ADAM10: variants seen among roughly 807,000 people sequenced by gnomAD.
ADAM10 encodes the protein ADAM metallopeptidase domain 10.
Under a neutral mutation model 90.1 loss-of-function variants are expected in ADAM10, and 17 were observed. The ratio of observed to expected loss-of-function variants is 0.19; its 90% CI spans 0.13 to 0.28. The LOEUF is 0.28. Among genes scored for constraint, ADAM10 ranks in the 10% least tolerant of loss-of-function variants. The pLI is 1.00. For synonymous variants in ADAM10, 310 were observed against 298.6 expected (o/e 1.04, Z -0.40); for missense variants, 610 against 914.3 (o/e 0.67, Z 4.29).
At chr15:58,625,514 G>C (rs1312589535) in intron 10 of ADAM10, among the ~76,000 whole-genome samples, 1 of 152,220 alleles carries the variant, frequency 6.6e-6, no homozygotes, top group African/African-American at 2.4e-5. Flanking sequence ...CCAAATGGTT[G>C]TGAACATGCA....
intron 2 of ADAM10, among the ~76,000 whole-genome samples, chr15:58,713,070 C>T (rs1451795571): frequency 6.6e-6 from 1 of 152,116 alleles, no homozygotes; most frequent in Non-Finnish European, 1.5e-5. Context: ...AAATCTGTTT[C>T]CTAGTATCTA....
intron 9 of ADAM10, among the ~76,000 whole-genome samples, chr15:58,632,146 AAGAC>A (rs1360469166): frequency 9.2e-5 from 14 of 152,222 alleles, no homozygotes; most frequent in African/African-American, 3.4e-4. Context: ...CAAAATCACA[AAGAC>A]AGAGTATCAT....
intron 14 of ADAM10, among the ~76,000 whole-genome samples, chr15:58,607,845 G>A (rs1015259911): frequency 6.6e-6 from 1 of 152,122 alleles, no homozygotes; most frequent in African/African-American, 2.4e-5. Flanking sequence ...AACCTAACAT[G>A]AAAGATACAG....
intron 5 of ADAM10, among the ~76,000 whole-genome samples, chr15:58,647,248 ATTTTTTTTTTTTTTTTT>A (rs67378373): frequency 1.7e-5 from 1 of 59,602 alleles, no homozygotes; most frequent in African/African-American, 5.4e-5. Flanking sequence ...GACACTAAGT[ATTTTTTTTTTTTTTTTT>A]TTTTTTTTTT....
intron 2 of ADAM10, among the ~76,000 whole-genome samples, chr15:58,712,817 C>T (rs571173862): frequency 3.3e-5 from 5 of 152,114 alleles, no homozygotes; most frequent in African/African-American, 9.6e-5. Context: ...CACAGCGAGA[C>T]TCCGCCTCAA....
chr15:58,693,269 G>A (rs1271918299), intron 2 of ADAM10: 2 of 546,118 alleles, frequency 3.7e-6, no homozygotes, highest in African/African-American at 3.8e-5. Flanking sequence ...ACGGCACCAA[G>A]GCTGCACAGG....
intron 5 of ADAM10, among the ~76,000 whole-genome samples, chr15:58,660,920 G>C (rs764767257): frequency 6.6e-6 from 1 of 152,210 alleles, no homozygotes; most frequent in East Asian, 1.9e-4. Flanking sequence ...TCAATGAATA[G>C]GTGTGGCTGT....
At chr15:58,687,230 T>C (rs1381346561) in intron 2 of ADAM10, among the ~76,000 whole-genome samples, 1 of 152,222 alleles carries the variant, frequency 6.6e-6, no homozygotes, top group African/African-American at 2.4e-5. Context: ...CAAACTTGTT[T>C]GGAAAAGTTA....
At chr15:58,728,426 A>C (rs1899113678) in intron 1 of ADAM10, among the ~76,000 whole-genome samples, 1 of 152,190 alleles carries the variant, frequency 6.6e-6, no homozygotes, top group Non-Finnish European at 1.5e-5. Flanking sequence ...TACCTCAATA[A>C]AGCTGACTAG....
At chr15:58,661,934 G>A (rs1381320517) in intron 5 of ADAM10, among the ~76,000 whole-genome samples, 1 of 151,930 alleles carries the variant, frequency 6.6e-6, no homozygotes, top group African/African-American at 2.4e-5. Flanking sequence ...TTCTTTATTA[G>A]AATTTCCATT....
At chr15:58,669,005 T>C (rs1897137656) in intron 4 of ADAM10, among the ~76,000 whole-genome samples, 1 of 152,164 alleles carries the variant, frequency 6.6e-6, no homozygotes, top group Admixed American at 6.6e-5. Context: ...GACTATAACA[T>C]ACAGAACATT....
chr15:58,698,575 CAAA>C (rs138309518), intron 2 of ADAM10, among the ~76,000 whole-genome samples: 23 of 115,570 alleles, frequency 2.0e-4, no homozygotes, highest in Non-Finnish European at 2.5e-4. Context: ...GACCTTGTCT[CAAA>C]AAAAAAAAAA....
chr15:58,656,946 G>T (rs1896843024), intron 5 of ADAM10, among the ~76,000 whole-genome samples: 1 of 152,104 alleles, frequency 6.6e-6, no homozygotes, highest in African/African-American at 2.4e-5. Flanking sequence ...CGTGTTTGAA[G>T]GCTATTTCCC....
intron 2 of ADAM10, among the ~76,000 whole-genome samples, chr15:58,700,516 A>C (rs1435852363): frequency 2.0e-5 from 3 of 152,162 alleles, no homozygotes; most frequent in Non-Finnish European, 4.4e-5. Flanking sequence ...GAAATCAAAA[A>C]ACAAATGAAA....
intron 4 of ADAM10, among the ~76,000 whole-genome samples, chr15:58,673,638 C>T (rs1393986775): frequency 2.0e-5 from 3 of 151,686 alleles, no homozygotes; most frequent in Admixed American, 1.3e-4. Context: ...TATAACGTTA[C>T]GTAATATGAA....
chr15:58,701,879 G>A (rs1898144113), intron 2 of ADAM10, among the ~76,000 whole-genome samples: 1 of 152,166 alleles, frequency 6.6e-6, no homozygotes, highest in South Asian at 2.1e-4. Flanking sequence ...GACGAGGTGG[G>A]CGGATCTCTC....
At position 58,610,039 on chromosome 15, in the gene ADAM10, T is replaced by C. The variant is rs557156153; in HGVS notation, c.2025+258A>G. Reference sequence around the variant, plus strand: ...AATATGCACCAAAAGAAGTAACCCATCCAGGAGATGAACTAAGGAGCACGG... The same window carrying C: ...AATATGCACCAAAAGAAGTAACCCACCCAGGAGATGAACTAAGGAGCACGG... On this transcript the variant is annotated intron_variant, in intron 14 of 15. Transcript: ENST00000260408. The C allele has an allele frequency of 7.0e-5, 33 of 471,292 alleles. No homozygotes were observed. In the South Asian group the frequency reaches 8.6e-4, roughly 12 times the overall value. 29.2% of individuals were successfully genotyped at this position (471,292 alleles called of 1,614,324 possible).
rs1894927349 is a variant in ADAM10 at position 58,595,543 on chromosome 15, C to T, written c.*2004G>A. 6.6e-6 allele frequency: 1 copy of T among 152,116 alleles called. No homozygotes were observed. 9.4% of individuals were successfully genotyped at this position (152,116 alleles called of 1,614,324 possible). A position where few individuals can be genotyped will look rare whatever the true frequency, so the allele number is the denominator to read the frequency against. ...AAAACACAGTGGACATTAAAACTGA[C>T]AGTAGTATTAGATCTCATTTGTCTT... On this transcript the variant is annotated 3_prime_UTR_variant, in exon 16 of 16. Coordinates refer to ENST00000260408, the MANE Select transcript of ADAM10 (RefSeq NM_001110.4).
intron 1 of ADAM10, among the ~76,000 whole-genome samples, chr15:58,741,958 T>C (rs1899630301): frequency 6.6e-6 from 1 of 152,202 alleles, no homozygotes; most frequent in Non-Finnish European, 1.5e-5. Context: ...ACAAGCATCT[T>C]ATGTGTCATT....
Sources: allele counts gnomAD v4.1 joint callset (sites outside exome capture counted in the v4.1 genomes callset), GRCh38; gene constraint gnomAD v4.1.1; transcripts MANE v1.5; gene names NCBI Gene and HGNC (gene_info 2026-07-23, HGNC 2026-07-21).